The following DENND1A variants were observed in gnomAD, a reference collection of about 807,000 sequenced individuals.
DENND1A encodes DENN domain-containing protein 1A.
A neutral mutation model predicts 113.7 loss-of-function variants in DENND1A; 51 were observed. That is an observed-to-expected ratio of 0.45 (90% CI 0.36 to 0.57). DENND1A has a LOEUF of 0.57. Ranked by LOEUF, DENND1A falls within the 20% of genes least tolerant of loss-of-function variation. DENND1A has a pLI of 0.00. For missense variants in DENND1A, 1,258 were observed against 1,395.9 expected, an observed-to-expected ratio of 0.90 and a Z score of 1.57; for synonymous variants, 565 against 570.8, an observed-to-expected ratio of 0.99 and a Z score of 0.14.
At chr9:123,812,891 A>G (rs1376788385) in intron 2 of DENND1A, among the ~76,000 whole-genome samples, 3 of 152,154 alleles carry the variant, frequency 2.0e-5, no homozygotes, top group Non-Finnish European at 2.9e-5. Context: ...TTGCCATACC[A>G]AAGTTTCAGA....
chr9:123,472,023 A>G (rs1215932889), intron 13 of DENND1A, among the ~76,000 whole-genome samples: 1 of 152,168 alleles, frequency 6.6e-6, no homozygotes, highest in Non-Finnish European at 1.5e-5. Flanking sequence ...TCAGCTATAA[A>G]TTGGGGAAAC....
intron 9 of DENND1A, among the ~76,000 whole-genome samples, chr9:123,644,995 G>T (rs2062235668): frequency 1.3e-5 from 2 of 152,068 alleles, no homozygotes; most frequent in South Asian, 4.2e-4. Context: ...TGTGCTACAG[G>T]GAATCACACT....
intron 8 of DENND1A, among the ~76,000 whole-genome samples, chr9:123,659,286 A>G (rs1443887420): frequency 6.6e-6 from 1 of 152,168 alleles, no homozygotes; most frequent in Non-Finnish European, 1.5e-5. Flanking sequence ...AATATTTACA[A>G]ACCATCTATA....
At chr9:123,388,193 G>A (rs1415439417) in intron 21 of DENND1A, among the ~76,000 whole-genome samples, 1 of 152,234 alleles carries the variant, frequency 6.6e-6, no homozygotes, top group Non-Finnish European at 1.5e-5. Flanking sequence ...TACACTGTCA[G>A]CAACAACTAG....
chr9:123,918,482 C>T (rs972430949), intron 1 of DENND1A, among the ~76,000 whole-genome samples: 1 of 117,636 alleles, frequency 8.5e-6, no homozygotes, highest in African/African-American at 3.4e-5. Context: ...AGGGAGACTC[C>T]GTCTCAGAAA....
chr9:123,882,094 T>C (rs1417496395), intron 1 of DENND1A, among the ~76,000 whole-genome samples: 1 of 152,108 alleles, frequency 6.6e-6, no homozygotes, highest in East Asian at 1.9e-4. Context: ...GCTTAGATGA[T>C]CTCATTCAGT....
chr9:123,736,811 T>C (rs190468978), intron 5 of DENND1A, among the ~76,000 whole-genome samples: 105 of 152,344 alleles, frequency 6.9e-4, no homozygotes, highest in African/African-American at 2.5e-3. Context: ...CCCTCATTTT[T>C]CAGATGAGGT....
intron 21 of DENND1A, among the ~76,000 whole-genome samples, chr9:123,396,623 C>A (rs1405526898): frequency 6.6e-6 from 1 of 152,248 alleles, no homozygotes; most frequent in Non-Finnish European, 1.5e-5. Context: ...GCAGCTTCTT[C>A]TGATCTTATT....
At chr9:123,718,815 C>T (rs1264375161) in intron 5 of DENND1A, among the ~76,000 whole-genome samples, 1 of 152,220 alleles carries the variant, frequency 6.6e-6, no homozygotes, top group Non-Finnish European at 1.5e-5. Context: ...AGAGTGTCCA[C>T]AACTTGCTAA....
At chr9:123,383,988 A>C (rs1349505199) in intron 22 of DENND1A, 75 bp from the exon 23 acceptor site, 1 of 1,548,454 alleles carries the variant, frequency 6.5e-7, no homozygotes, top group Non-Finnish European at 8.7e-7. Flanking sequence ...CAGCCCAAGC[A>C]CATTGAGGGC....
At chr9:123,639,154 TAGGCCGC>T (rs1484121069) in intron 9 of DENND1A, among the ~76,000 whole-genome samples, 1 of 150,978 alleles carries the variant, frequency 6.6e-6, no homozygotes, top group Non-Finnish European at 1.5e-5. Flanking sequence ...AAAGTGACTG[TAGGCCGC>T]AGGTGGTAGC....
chr9:123,656,245 G>C (rs187782708), intron 8 of DENND1A, among the ~76,000 whole-genome samples: 1 of 152,212 alleles, frequency 6.6e-6, no homozygotes, highest in African/African-American at 2.4e-5. Flanking sequence ...TGAGAGGCAG[G>C]GCGGGGAGGG....
At chr9:123,407,944 T>C (rs953577752) in intron 20 of DENND1A, among the ~76,000 whole-genome samples, 2 of 152,190 alleles carry the variant, frequency 1.3e-5, no homozygotes, top group African/African-American at 2.4e-5. Flanking sequence ...CCCCAACCCA[T>C]GCCCCTTCGT....
chr9:123,853,567 G>C (rs961004672), intron 2 of DENND1A, among the ~76,000 whole-genome samples: 2 of 152,068 alleles, frequency 1.3e-5, no homozygotes, highest in African/African-American at 4.8e-5. Context: ...GGGAGGCTGA[G>C]GCATGAGAAT....
intron 5 of DENND1A, among the ~76,000 whole-genome samples, chr9:123,724,224 T>A (rs1476725788): frequency 1.3e-5 from 2 of 152,062 alleles, no homozygotes; most frequent in African/African-American, 2.4e-5. Flanking sequence ...AGAGCCACAA[T>A]AGAAAAGAAG....
intron 5 of DENND1A, among the ~76,000 whole-genome samples, chr9:123,684,282 A>G (rs1203267906): frequency 6.6e-6 from 1 of 152,082 alleles, no homozygotes; most frequent in Admixed American, 6.6e-5. Flanking sequence ...CACCCCCTCC[A>G]GTCTGCTCCA....
At chr9:123,624,059 G>A (rs1357880793) in intron 10 of DENND1A, among the ~76,000 whole-genome samples, 1 of 152,230 alleles carries the variant, frequency 6.6e-6, no homozygotes, top group African/African-American at 2.4e-5. Flanking sequence ...AAGGGCACCT[G>A]CTGGCAGTGA....
chr9:123,887,950 GA>G (rs1364683799), intron 1 of DENND1A, among the ~76,000 whole-genome samples: 1 of 152,182 alleles, frequency 6.6e-6, no homozygotes, highest in East Asian at 1.9e-4. Flanking sequence ...TAACTTGATA[GA>G]AAAATAAAGC....
chr9:123,667,401 G>A (rs1257143827), intron 7 of DENND1A, among the ~76,000 whole-genome samples: 1 of 152,146 alleles, frequency 6.6e-6, no homozygotes, highest in Non-Finnish European at 1.5e-5. Flanking sequence ...GATCACATGA[G>A]GTCAGGAGTT....
Sources: gnomAD v4.1 joint callset for allele counts (sites outside exome capture counted in the v4.1 genomes callset) on GRCh38, gnomAD v4.1.1 for gene constraint, MANE v1.5 for transcripts, NCBI Gene and HGNC (gene_info 2026-07-23, HGNC 2026-07-21) for gene names.